The following CAMK4 variants were observed in gnomAD, a reference collection of about 807,000 sequenced individuals.
CAMK4 encodes the protein calcium/calmodulin dependent protein kinase IV.
CAMK4 carries 22 observed loss-of-function variants against 44.9 expected under a neutral mutation model. The ratio of observed to expected loss-of-function variants is 0.49; its 90% CI spans 0.35 to 0.70. The LOEUF (loss-of-function observed/expected upper bound fraction) is 0.70, where lower values mean the gene tolerates loss of function less well. Ranked by LOEUF, CAMK4 falls within the 30% of genes least tolerant of loss-of-function variation. The pLI is 0.01. For synonymous variants in CAMK4, 218 were observed against 215.4 expected (o/e 1.01, Z -0.11); for missense variants, 498 against 586.8 (o/e 0.85, Z 1.56).
chr5:111,390,160 A>G (rs1396773564), intron 4 of CAMK4, among the ~76,000 whole-genome samples: 1 of 152,168 alleles, frequency 6.6e-6, no homozygotes, highest in African/African-American at 2.4e-5. Context: ...ATTGTAATCT[A>G]TTTTCTCCTT....
Position 111,290,356 on chromosome 5 carries a change from A to G in CAMK4, c.162-53668A>G, listed in dbSNP as rs2112623278. On this transcript the variant is annotated intron_variant, in intron 1 of 10. Coordinates refer to ENST00000282356, the MANE Select transcript of CAMK4 (RefSeq NM_001744.6). The surrounding 1 kb of genome is among the most constrained non-coding windows in gnomAD (Gnocchi z 4.5). ...ACATTAATCCCTAGCCAGAGATTAG[A>G]GCCTGAGGCAAAATTATTATGAAGT... is the stretch of plus-strand genomic sequence containing the variant. Among the ~76,000 whole-genome samples, 1 of 152,344 alleles carries G rather than the reference A, an allele frequency of 6.6e-6. No homozygotes were observed. The highest frequency in any genetic ancestry group is 1.9e-4 in the East Asian group (1 of 5,184).
chr5:111,242,449 C>T (rs1259090068), intron 1 of CAMK4, among the ~76,000 whole-genome samples: 1 of 152,130 alleles, frequency 6.6e-6, no homozygotes, highest in East Asian at 1.9e-4. Flanking sequence ...CCGTTCCCTC[C>T]TCTGTGTGGC....
At chr5:111,237,044 C>T (rs1279467392) in intron 1 of CAMK4, among the ~76,000 whole-genome samples, 1 of 152,196 alleles carries the variant, frequency 6.6e-6, no homozygotes, top group East Asian at 1.9e-4. Context: ...GTACGTGTCT[C>T]CCTCTCATTA....
intron 5 of CAMK4, among the ~76,000 whole-genome samples, chr5:111,409,684 C>G (rs1352562721): frequency 6.6e-6 from 1 of 152,154 alleles, no homozygotes; most frequent in Admixed American, 6.6e-5. Flanking sequence ...ATTTTATGCT[C>G]TGCTTTCTCT....
intron 1 of CAMK4, among the ~76,000 whole-genome samples, chr5:111,295,233 T>G (rs1396380231): frequency 1.3e-5 from 2 of 152,174 alleles, no homozygotes; most frequent in Non-Finnish European, 2.9e-5. Flanking sequence ...GAATAAACAG[T>G]GTAAGAAGGA....
At chr5:111,272,604 A>G (rs1489548010) in intron 1 of CAMK4, among the ~76,000 whole-genome samples, 1 of 152,204 alleles carries the variant, frequency 6.6e-6, no homozygotes, top group Non-Finnish European at 1.5e-5. Flanking sequence ...GTAATGTTAC[A>G]TATTTGACTT....
chr5:111,279,736 GC>G (rs1259355227), intron 1 of CAMK4, among the ~76,000 whole-genome samples: 9 of 151,966 alleles, frequency 5.9e-5, no homozygotes, highest in Non-Finnish European at 1.2e-4. Context: ...GTGTGTATGT[GC>G]CTGCTGTGTA....
At position 111,482,719 on chromosome 5, in the gene CAMK4, T is replaced by C. The variant is rs1755475345; in HGVS notation, c.829-66T>C. ...AAATGGAATAAGATCTGGAAGTTTG[T>C]AAGCTGAGGGCAAGCCCAGGTCATC... On this transcript the variant is annotated intron_variant, in intron 9 of 10. Coordinates refer to ENST00000282356, the MANE Select transcript of CAMK4 (RefSeq NM_001744.6). This position sits in a 1 kb window ranked among gnomAD's most constrained non-coding sequence, Gnocchi z 4.9. 5 of 1,319,150 alleles carry C rather than the reference T, an allele frequency of 3.8e-6. No homozygotes were observed. The highest frequency in any genetic ancestry group is 1.5e-5 in the African/African-American group (1 of 66,948). 81.7% of individuals were successfully genotyped at this position (1,319,150 alleles called of 1,614,324 possible). A position where few individuals can be genotyped will look rare whatever the true frequency, so the allele number is the denominator to read the frequency against.
At chr5:111,401,090 G>A (rs1306846063) in intron 5 of CAMK4, among the ~76,000 whole-genome samples, 1 of 152,142 alleles carries the variant, frequency 6.6e-6, no homozygotes, top group Non-Finnish European at 1.5e-5. Flanking sequence ...TTGGAGCCTA[G>A]AGAAATTTGT....
At chr5:111,443,679 A>G (rs949018358) in intron 5 of CAMK4, among the ~76,000 whole-genome samples, 2 of 152,114 alleles carry the variant, frequency 1.3e-5, no homozygotes, top group African/African-American at 2.4e-5. Flanking sequence ...AGCCAGAACA[A>G]CATTTAGTGA....
chr5:111,243,198 C>G (rs537220987), intron 1 of CAMK4, among the ~76,000 whole-genome samples: 8 of 152,306 alleles, frequency 5.3e-5, no homozygotes, highest in Non-Finnish European at 8.8e-5. Context: ...ACTCCAAAGA[C>G]AGCAAGGGCA....
At chr5:111,470,113 CA>C (rs1755011746) in intron 7 of CAMK4, among the ~76,000 whole-genome samples, 1 of 152,186 alleles carries the variant, frequency 6.6e-6, no homozygotes, top group African/African-American at 2.4e-5. Context: ...CAAAAATAGG[CA>C]ATAGCAGCCT....
At chr5:111,310,688 A>G (rs920865524) in intron 1 of CAMK4, among the ~76,000 whole-genome samples, 1 of 152,170 alleles carries the variant, frequency 6.6e-6, no homozygotes, top group Non-Finnish European at 1.5e-5. Flanking sequence ...TGAACACAGT[A>G]TAGCTTTAAG....
chr5:111,491,818 ATAT>A lies in CAMK4; in HGVS notation c.*7354_*7356del, dbSNP rs908892532. ...TCCCTATGGTTCTGAATCTCTCATA[ATAT>A]TCTGAAGTAATTTATATCAATTGAA... On this transcript the variant is annotated 3_prime_UTR_variant, in exon 11 of 11. Transcript: ENST00000282356. The A allele has an allele frequency of 6.6e-6, 1 of 152,180 alleles. No homozygotes were observed. Among genetic ancestry groups the A allele is most frequent in the African/African-American group, 2.4e-5 (1 of 41,440 alleles). 9.4% of individuals were successfully genotyped at this position (152,180 alleles called of 1,614,324 possible). A position where few individuals can be genotyped will look rare whatever the true frequency, so the allele number is the denominator to read the frequency against.
chr5:111,224,313 C>A, upstream of CAMK4: 2 of 1,002,426 alleles, frequency 2.0e-6, no homozygotes, highest in Non-Finnish European at 2.6e-6. This position sits in a 1 kb window ranked among gnomAD's most constrained non-coding sequence, Gnocchi z 5.7. Flanking sequence ...GGCTCGCCCC[C>A]TTCCCCGCCC....
intron 5 of CAMK4, among the ~76,000 whole-genome samples, chr5:111,404,238 A>T (rs576028619): frequency 3.3e-5 from 5 of 152,340 alleles, no homozygotes; most frequent in African/African-American, 1.2e-4. Context: ...TCACTTTGGG[A>T]TGGAGACTTA....
chr5:111,327,831 C>T, intron 1 of CAMK4, among the ~76,000 whole-genome samples: 1 of 149,434 alleles, frequency 6.7e-6, no homozygotes, highest in Non-Finnish European at 1.5e-5. Context: ...CTGTTCATAT[C>T]CTTCGCCCAC....
In CAMK4 at chr5:111,492,339, AATAAT is replaced by A. The variant is rs1399650538; in HGVS notation, c.*7882_*7886del. ...TTATTGCTCTATTATTACAGCAATC[AATAAT>A]ATAATATAGCCACTAGGATACACTC... On this transcript the variant is annotated 3_prime_UTR_variant, in exon 11 of 11. Coordinates refer to ENST00000282356, the MANE Select transcript of CAMK4 (RefSeq NM_001744.6). 2.8e-4 allele frequency: 43 copies of A among 152,208 alleles called. No individual in the cohort carries two copies. Among genetic ancestry groups the A allele is most frequent in the African/African-American group, 9.4e-4 (39 of 41,440 alleles). 9.4% of individuals were successfully genotyped at this position (152,208 alleles called of 1,614,324 possible). A position where few individuals can be genotyped will look rare whatever the true frequency, so the allele number is the denominator to read the frequency against.
At chr5:111,455,494 G>T (rs929636727) in intron 7 of CAMK4, among the ~76,000 whole-genome samples, 1 of 152,160 alleles carries the variant, frequency 6.6e-6, no homozygotes, top group Non-Finnish European at 1.5e-5. Flanking sequence ...AGAATGACAG[G>T]TAAAAGAGAG....
Sources: allele counts gnomAD v4.1 joint callset (sites outside exome capture counted in the v4.1 genomes callset), GRCh38; gene constraint gnomAD v4.1.1; non-coding constraint Gnocchi (gnomAD v3.1); transcripts MANE v1.5; gene names NCBI Gene and HGNC (gene_info 2026-07-23, HGNC 2026-07-21).